RB1CC1: variants seen among roughly 807,000 people sequenced by gnomAD.
RB1CC1 encodes the protein RB1 inducible coiled-coil 1, also known as RB1-inducible coiled-coil protein 1.
A neutral mutation model predicts 177.5 loss-of-function variants in RB1CC1; 46 were observed. That is an observed-to-expected ratio of 0.26 (90% CI 0.20 to 0.33). RB1CC1 has a LOEUF of 0.33. Among genes scored for constraint, RB1CC1 ranks in the 10% least tolerant of loss-of-function variants. RB1CC1 has a pLI of 1.00. For synonymous variants in RB1CC1, 666 were observed against 613.6 expected (o/e 1.09, Z -1.26); for missense variants, 1,703 against 1,816.3 (o/e 0.94, Z 1.13).
At chr8:52,690,834 T>G (rs531216614) in intron 1 of RB1CC1, among the ~76,000 whole-genome samples, 1 of 152,320 alleles carries the variant, frequency 6.6e-6, no homozygotes, top group Non-Finnish European at 1.5e-5. Context: ...CAGTGCACAC[T>G]CCATACATGC....
chr8:52,697,254 T>A (rs1436528085), intron 1 of RB1CC1, among the ~76,000 whole-genome samples: 2 of 148,980 alleles, frequency 1.3e-5, no homozygotes, highest in Non-Finnish European at 3.0e-5. Flanking sequence ...AGAATAAGCA[T>A]TCCACAGAAC....
At position 52,622,458 on chromosome 8, in the gene RB1CC1, T is replaced by A. The variant is rs2150359519; in HGVS notation, c.*1324A>T. 6.6e-6 allele frequency: 1 copy of A among 151,772 alleles called. No individual in the cohort carries two copies. Among genetic ancestry groups the A allele is most frequent in the South Asian group, 2.1e-4 (1 of 4,826 alleles). The allele number at this position is 151,772 out of a possible 1,614,324, so 9.4% of individuals were successfully genotyped here. A position where few individuals can be genotyped will look rare whatever the true frequency, so the allele number is the denominator to read the frequency against. ...CATGGAAAGATTAAATAGAAACATG[T>A]GAAATCATTTGTTCATTTATTCATT... On this transcript the variant is annotated 3_prime_UTR_variant, in exon 24 of 24. Coordinates refer to ENST00000025008, the MANE Select transcript of RB1CC1 (RefSeq NM_014781.5).
At position 52,714,148 on chromosome 8, in the gene RB1CC1, T is replaced by C; in HGVS notation, c.-240A>G. ...CCCGGCACCATCTTCCGCCGCCGCC[T>C]AGTCCTCGGCAGCGGTTACCAACCG... On this transcript the variant is annotated 5_prime_UTR_variant, in exon 1 of 24. Transcript: ENST00000025008. 1 of 290,712 alleles carries C rather than the reference T, an allele frequency of 3.4e-6. No homozygotes were observed. Among genetic ancestry groups the C allele is most frequent in the Non-Finnish European group, 7.1e-6 (1 of 140,178 alleles). The allele number at this position is 290,712 out of a possible 1,614,324, so 18.0% of individuals were successfully genotyped here.
chr8:52,648,201 A>C (rs893259128), intron 15 of RB1CC1, among the ~76,000 whole-genome samples: 2 of 151,364 alleles, frequency 1.3e-5, no homozygotes, highest in Non-Finnish European at 2.9e-5. Flanking sequence ...TCATTTACTG[A>C]CTCAAAGTAA....
At chr8:52,655,055 C>T (rs1038350430) in intron 15 of RB1CC1, among the ~76,000 whole-genome samples, 2 of 152,138 alleles carry the variant, frequency 1.3e-5, no homozygotes, top group East Asian at 1.9e-4. Flanking sequence ...GCTCTCCTGG[C>T]CTTTGGCAGT....
In RB1CC1 at chr8:52,698,669, G is replaced by GTTTTT. The variant is rs1855693493; in HGVS notation, c.-166-11703_-166-11702insAAAAA. Among the ~76,000 whole-genome samples, 54 of 22,782 alleles carry GTTTTT rather than the reference G, an allele frequency of 2.4e-3. 26 individuals are homozygous for GTTTTT. Among genetic ancestry groups the GTTTTT allele is most frequent in the Non-Finnish European group, 3.3e-3 (35 of 10,600 alleles). 14.9% of individuals were successfully genotyped at this position (22,782 alleles called of 152,430 possible). A position where few individuals can be genotyped will look rare whatever the true frequency, so the allele number is the denominator to read the frequency against. ...AACAAAAACTGTATATGTAATGGTT[G>GTTTTT]GTTTTTTTTTTTTTTTTTTTTTTTT... On this transcript the variant is annotated intron_variant, in intron 1 of 23. Coordinates refer to ENST00000025008, the MANE Select transcript of RB1CC1 (RefSeq NM_014781.5).
Position 52,710,474 on chromosome 8 carries a change from ATG to A in RB1CC1, c.-167+3599_-167+3600del, listed in dbSNP as rs546540137. On this transcript the variant is annotated intron_variant, in intron 1 of 23. Transcript: ENST00000025008. ...TTTTTTCCCTAGGTGTACAGGAAAT[ATG>A]TGTATATTCAGGCAATATGGTTTTA... is the stretch of plus-strand genomic sequence containing the variant. Among the ~76,000 whole-genome samples, 155 of 152,300 alleles carry A rather than the reference ATG, an allele frequency of 1.0e-3. 1 individual carries two copies. Among genetic ancestry groups the A allele is most frequent in the African/African-American group, 3.6e-3 (151 of 41,562 alleles).
intron 1 of RB1CC1, among the ~76,000 whole-genome samples, chr8:52,688,535 T>G (rs1854500676): frequency 6.6e-6 from 1 of 152,214 alleles, no homozygotes; most frequent in South Asian, 2.1e-4. Flanking sequence ...CTCTCTGCTC[T>G]CAAACCCTGT....
At chr8:52,626,450 A>G (rs1015482677) in intron 22 of RB1CC1, among the ~76,000 whole-genome samples, 1 of 152,170 alleles carries the variant, frequency 6.6e-6, no homozygotes, top group Non-Finnish European at 1.5e-5. Context: ...TTCTGGGGGA[A>G]AAAAGTGTGC....
chr8:52,672,863 CTAACTT>C (rs1455298728), intron 7 of RB1CC1, among the ~76,000 whole-genome samples: 1 of 152,184 alleles, frequency 6.6e-6, no homozygotes. Flanking sequence ...AGCAGGAACA[CTAACTT>C]TAATTCATTT....
At chr8:52,628,787 A>T (rs1217890304) in intron 21 of RB1CC1, among the ~76,000 whole-genome samples, 2 of 152,214 alleles carry the variant, frequency 1.3e-5, no homozygotes, top group African/African-American at 4.8e-5. Context: ...GTTGTTCAAA[A>T]CATCAAAAGG....
chr8:52,674,706 T>C (rs1180842066), intron 6 of RB1CC1, among the ~76,000 whole-genome samples: 1 of 149,714 alleles, frequency 6.7e-6, no homozygotes, highest in East Asian at 2.0e-4. Flanking sequence ...AGGCGGAGGC[T>C]GCAGTGAGCT....
chr8:52,676,647 A>C, intron 5 of RB1CC1, 76 bp from the exon 6 acceptor site: 1 of 1,326,138 alleles, frequency 7.5e-7, no homozygotes, highest in Non-Finnish European at 1.1e-6. Context: ...ATGTTTACAA[A>C]CATGTACGTG....
chr8:52,693,738 G>A lies in RB1CC1; in HGVS notation c.-166-6771C>T, dbSNP rs139585269. The stretch of plus-strand genomic sequence containing the variant: ...TACTGATGAGAACATATAGACACAC[G>A]GGGGTAGGATGGGGAAACAACACTC... On this transcript the variant is annotated intron_variant, in intron 1 of 23. Transcript: ENST00000025008. Among the ~76,000 whole-genome samples the A allele has an allele frequency of 5.5e-3, 831 of 152,114 alleles. 7 individuals are homozygous for A. The highest frequency in any genetic ancestry group is 0.019 in the African/African-American group (796 of 41,504).
Position 52,636,086 on chromosome 8 carries a change from TTGAG to T in RB1CC1, c.4338-21_4338-18del, listed in dbSNP as rs1849121966. ...ATATTTTCTCTAAAAGTGAGAATAA[TTGAG>T]TTTCAGTTTGAAATTCTAAACTTTA... On this transcript the variant is annotated intron_variant, in intron 18 of 23. Transcript: ENST00000025008. 2 of 1,597,688 alleles carry T rather than the reference TTGAG, an allele frequency of 1.3e-6. No homozygotes were observed. The highest frequency in any genetic ancestry group is 1.7e-6 in the Non-Finnish European group (2 of 1,174,908).
intron 5 of RB1CC1, among the ~76,000 whole-genome samples, chr8:52,680,427 A>G (rs1408384001): frequency 6.6e-6 from 1 of 152,262 alleles, no homozygotes; most frequent in Non-Finnish European, 1.5e-5. Flanking sequence ...GATAGCTAAT[A>G]TATGGAAGAA....
rs183274194 is a variant in RB1CC1, at chr8:52,654,273, T to C, written c.3821+1735A>G. ...AGTATTCCATAGGCTTTGCCCTTGC[T>C]CCTCTTTTATGATCTCATATGCACT... On this transcript the variant is annotated intron_variant, in intron 15 of 23. Coordinates refer to ENST00000025008, the MANE Select transcript of RB1CC1 (RefSeq NM_014781.5). 2.0e-5 allele frequency among the ~76,000 whole-genome samples: 3 copies of C among 152,366 alleles called. No homozygotes were observed. The East Asian group carries it at 5.8e-4, about 29-fold the overall frequency.
chr8:52,639,172 T>C (rs1408850458), intron 18 of RB1CC1, among the ~76,000 whole-genome samples: 1 of 152,136 alleles, frequency 6.6e-6, no homozygotes, highest in African/African-American at 2.4e-5. Flanking sequence ...AAAAATGATA[T>C]CTTAATAATA....
At chr8:52,641,276 C>CA (rs1307629634) in intron 18 of RB1CC1, among the ~76,000 whole-genome samples, 1 of 149,076 alleles carries the variant, frequency 6.7e-6, no homozygotes, top group Non-Finnish European at 1.5e-5. Context: ...CCCGGCTATT[C>CA]AGGAGGCTAA....
Sources: gnomAD v4.1 joint callset for allele counts (sites outside exome capture counted in the v4.1 genomes callset) on GRCh38, gnomAD v4.1.1 for gene constraint, MANE v1.5 for transcripts, NCBI Gene and HGNC (gene_info 2026-07-23, HGNC 2026-07-21) for gene names.